Variants in USP19 observed in about 807,000 individuals in gnomAD.
USP19 encodes ubiquitin carboxyl-terminal hydrolase 19.
Under a neutral mutation model 144.8 loss-of-function variants are expected in USP19, and 40 were observed. The ratio of observed to expected loss-of-function variants is 0.28; its 90% CI spans 0.21 to 0.36. USP19 has a LOEUF of 0.36. Among genes scored for constraint, USP19 ranks in the 10% least tolerant of loss-of-function variants. The pLI is 1.00. For synonymous variants in USP19, 701 were observed against 709.3 expected (o/e 0.99, Z 0.19); for missense variants, 1,518 against 1,822.5 (o/e 0.83, Z 3.04).
chr3:49,115,770 G>A lies in USP19; in HGVS notation c.1646C>T (p.Thr549Ile), dbSNP rs1446521990. The change falls in exon 11 of 27, where the codon ACA becomes ATA. Residue 549 changes from threonine to isoleucine, a missense_variant. This residue lies in a region of USP19 where 707 missense variants were observed against 728.9 expected (regional missense o/e 0.97). Coordinates refer to ENST00000417901, the MANE Select transcript of USP19 (RefSeq NM_001199161.2). This position sits in a 1 kb window ranked among gnomAD's most constrained non-coding sequence, Gnocchi z 6.6. ...DTGLDSVATR[T>I]PMEHVTPKPE... ...CTTTGGGGTTACATGCTCCATGGGT[G>A]TGCGGGTTGCCACACTGTCTAGCCC... 2 of 1,613,748 alleles carry A rather than the reference G, an allele frequency of 1.2e-6. No homozygotes were observed. The highest frequency in any genetic ancestry group is 1.1e-5 in the South Asian group (1 of 91,074).
chr3:49,108,861 C>T lies in USP19; in HGVS notation c.4039-333G>A, dbSNP rs2042707127. On this transcript the variant is annotated intron_variant, in intron 26 of 26. Transcript: ENST00000417901. This position sits in a 1 kb window ranked among gnomAD's most constrained non-coding sequence, Gnocchi z 4.8. The stretch of plus-strand genomic sequence containing the variant: ...CACCCTCTCCCACCAGATGCATAAG[C>T]TGAGGCCCAAAGCCCAGAGGTGTTC... 2.0e-6 allele frequency: 3 copies of T among 1,475,180 alleles called. No homozygotes were observed. The highest frequency in any genetic ancestry group is 2.7e-6 in the Non-Finnish European group (3 of 1,111,466). 91.4% of individuals were successfully genotyped at this position (1,475,180 alleles called of 1,614,324 possible).
chr3:49,116,140 A>C lies in USP19; in HGVS notation c.1378T>G (p.Cys460Gly), dbSNP rs2107489140. 1 of 1,613,790 alleles carries C rather than the reference A, an allele frequency of 6.2e-7. No homozygotes were observed. Among genetic ancestry groups the C allele is most frequent in the Middle Eastern group, 1.7e-4 (1 of 6,058 alleles). Residue 460 changes from cysteine to glycine, a missense_variant, in exon 10 of 27, where the codon TGC becomes GGC. By Grantham distance (159) the Cys-to-Gly change is radical. Transcript: ENST00000417901. This position sits in a 1 kb window ranked among gnomAD's most constrained non-coding sequence, Gnocchi z 5.0. ...KLRNLIEPEQ[C>G]TFCFTASRID... ...CGAGAAGCCGTGAAACAGAAGGTGC[A>C]CTGCTCTGGCTCAATCAGATTCCTG... is the stretch of plus-strand genomic sequence containing the variant.
rs897525947 is a variant in USP19 at position 49,108,195 on chromosome 3, C to T, written c.*217G>A. ...TTGAAGGTACAACAGAATCAAATCA[C>T]GCAGCACTGGAGGCGGCTGGAGAAG... On this transcript the variant is annotated 3_prime_UTR_variant, in exon 27 of 27. Transcript: ENST00000417901. This position sits in a 1 kb window ranked among gnomAD's most constrained non-coding sequence, Gnocchi z 4.8. The T allele has an allele frequency of 8.9e-6, 2 of 225,386 alleles. No homozygotes were observed. 14.0% of individuals were successfully genotyped at this position (225,386 alleles called of 1,614,324 possible).
Position 49,112,345 on chromosome 3 carries a change from G to C in USP19, c.2704C>G (p.Gln902Glu), listed in dbSNP as rs934144200. The C allele has an allele frequency of 6.2e-7, 1 of 1,613,944 alleles. No individual in the cohort carries two copies. Among genetic ancestry groups the C allele is most frequent in the African/African-American group, 1.3e-5 (1 of 74,906 alleles). Residue 902 changes from glutamine to glutamate, a missense_variant, in exon 19 of 27, where the codon CAG becomes GAG. Physicochemically the swap from Gln to Glu is conservative, Grantham distance 29 (BLOSUM62 2). Transcript: ENST00000417901. The surrounding 1 kb of genome is among the most constrained non-coding windows in gnomAD (Gnocchi z 4.9). ...SKCAACQRKQ[Q>E]SEDEKLKRCT... ...CGCTTCAGCTTTTCATCCTCCGACT[G>C]TTGCTTCCGCTGGCAGGCTGCACAC...
rs1434050185 is a variant in USP19 at position 49,117,632 on chromosome 3, C to CT, written c.472+24dup. The CT allele has an allele frequency of 6.2e-7, 1 of 1,614,020 alleles. No homozygotes were observed. The highest frequency in any genetic ancestry group is 8.5e-7 in the Non-Finnish European group (1 of 1,180,014). On this transcript the variant is annotated intron_variant, in intron 4 of 26. Coordinates refer to ENST00000417901, the MANE Select transcript of USP19 (RefSeq NM_001199161.2). The surrounding 1 kb of genome is among the most constrained non-coding windows in gnomAD (Gnocchi z 4.4). ...GATATCAGAAGATTCAAACATACTA[C>CT]TGTGCTCAGGGCAGATGGACACACC...
In USP19 at chr3:49,112,541, A is replaced by G; in HGVS notation, c.2594T>C (p.Leu865Pro). ...CTCCTTAGCCAACTCTGAGGATAGC[A>G]GCTCAAAGCAGAGGAGCGTATCAGA... is the stretch of plus-strand genomic sequence containing the variant. ...SPSDTLLCFE[L>P]LSSELAKERV... The change falls in exon 18 of 27, where the codon CTG becomes CCG. Residue 865 changes from leucine to proline, a missense_variant. By Grantham distance (98) the Leu-to-Pro change is moderately conservative. Coordinates refer to ENST00000417901, the MANE Select transcript of USP19 (RefSeq NM_001199161.2). The surrounding 1 kb of genome is among the most constrained non-coding windows in gnomAD (Gnocchi z 4.9). 6.2e-7 allele frequency: 1 copy of G among 1,614,132 alleles called. No homozygotes were observed. The highest frequency in any genetic ancestry group is 8.5e-7 in the Non-Finnish European group (1 of 1,179,980).
intron 17 of USP19, among the ~76,000 whole-genome samples, chr3:49,113,237 T>A (rs2043465588): frequency 6.6e-6 from 1 of 152,244 alleles, no homozygotes. Context: ...CCTGTTTTTG[T>A]ACAGTCACAG....
Position 49,110,606 on chromosome 3 carries a change from TG to T in USP19, c.3699-3del. 1 of 1,613,798 alleles carries T rather than the reference TG, an allele frequency of 6.2e-7. No individual in the cohort carries two copies. Reference sequence around the variant, plus strand: ...CAGAACTTGCTCAGGTCCAGGTTCCTGCAGGTCAGGTCCAGTCAGGGAGGGG... The same window carrying T: ...CAGAACTTGCTCAGGTCCAGGTTCCTCAGGTCAGGTCCAGTCAGGGAGGGG... On this transcript the variant is annotated splice_polypyrimidine_tract_variant and splice_region_variant and intron_variant, in intron 24 of 26. Transcript: ENST00000417901. The surrounding 1 kb of genome is among the most constrained non-coding windows in gnomAD (Gnocchi z 6.1).
At position 49,115,665 on chromosome 3, in the gene USP19, G is replaced by A; in HGVS notation, c.1693-26C>T. 1 of 1,608,410 alleles carries A rather than the reference G, an allele frequency of 6.2e-7. No homozygotes were observed. The highest frequency in any genetic ancestry group is 8.5e-7 in the Non-Finnish European group (1 of 1,176,534). On this transcript the variant is annotated intron_variant, in intron 11 of 26. Transcript: ENST00000417901. This position sits in a 1 kb window ranked among gnomAD's most constrained non-coding sequence, Gnocchi z 6.6. ...CTGCAGGAGCAAAGACGACATGAGA[G>A]AACAGCCCCAAGACTCTCCAGCCTC...
Position 49,114,362 on chromosome 3 carries a change from G to A in USP19, c.2293-78C>T, listed in dbSNP as rs986890399. 35 of 1,429,454 alleles carry A rather than the reference G, an allele frequency of 2.4e-5. No homozygotes were observed. The highest frequency in any genetic ancestry group is 4.0e-4 in the Middle Eastern group (2 of 4,972). 88.5% of individuals were successfully genotyped at this position (1,429,454 alleles called of 1,614,324 possible). ...TGCTCATGCTCAGAGAGCCCATTCC[G>A]GGGCTTCTGATGGCTCTCAGGGCCC... On this transcript the variant is annotated intron_variant, in intron 15 of 26. Transcript: ENST00000417901. The surrounding 1 kb of genome is among the most constrained non-coding windows in gnomAD (Gnocchi z 4.5).
rs765038595 is a variant in USP19, at chr3:49,109,046, C to T, written c.4039-518G>A. ...CGCCACGGTGCCCAGGACAAAGTAC[C>T]GGAGGCAGCCCTCATCTGGTGTGGT... is the stretch of plus-strand genomic sequence containing the variant. On this transcript the variant is annotated intron_variant, in intron 26 of 26. Coordinates refer to ENST00000417901, the MANE Select transcript of USP19 (RefSeq NM_001199161.2). 19 of 1,612,820 alleles carry T rather than the reference C, an allele frequency of 1.2e-5. No individual in the cohort carries two copies. The highest frequency in any genetic ancestry group is 1.6e-4 in the Middle Eastern group (1 of 6,062).
chr3:49,109,259 G>A (rs952263163), intron 26 of USP19: 2 of 1,436,950 alleles, frequency 1.4e-6, no homozygotes, highest in Non-Finnish European at 1.8e-6. Context: ...CCTTAGCCAT[G>A]ACAGTCCCAC....
In USP19 at chr3:49,117,452, C is replaced by A. The variant is rs771029171; in HGVS notation, c.591G>T (p.Thr197=). The A allele has an allele frequency of 3.1e-6, 5 of 1,614,026 alleles. No individual in the cohort carries two copies. The highest frequency in any genetic ancestry group is 4.2e-6 in the Non-Finnish European group (5 of 1,180,050). Residue 197 remains threonine (T), a synonymous_variant, in exon 5 of 27, where the codon ACG becomes ACT. Transcript: ENST00000417901. The surrounding 1 kb of genome is among the most constrained non-coding windows in gnomAD (Gnocchi z 4.4). Reference sequence around the variant, plus strand: ...TAGAACTCACCAGGAGGGAGGGCCACGTGAGCATAGGCACCTTTTTGGGCA... The same window carrying A: ...TAGAACTCACCAGGAGGGAGGGCCAAGTGAGCATAGGCACCTTTTTGGGCA... ...LTLPKKVPML[T]WPSLLKKPLG...
At position 49,116,906 on chromosome 3, in the gene USP19, T is replaced by G. The variant is rs769354891; in HGVS notation, c.947A>C (p.Asn316Thr). The change falls in exon 7 of 27, where the codon AAC (asparagine) becomes ACC (threonine). Residue 316 changes from asparagine (N) to threonine (T), a missense_variant. This residue lies in a region of USP19 where 707 missense variants were observed against 728.9 expected (regional missense o/e 0.97). Coordinates refer to ENST00000417901, the MANE Select transcript of USP19 (RefSeq NM_001199161.2). The surrounding 1 kb of genome is among the most constrained non-coding windows in gnomAD (Gnocchi z 5.0). ...TGAGCCCAGGAGGCAGGTTTGGGAGTTCAGCGGTGGTATGCAAAGCTGTTC... is the reference window on the plus strand; with the variant it reads ...TGAGCCCAGGAGGCAGGTTTGGGAGGTCAGCGGTGGTATGCAAAGCTGTTC... ...ADEQLCIPPL[N>T]SQTCLLGSEE... is the part of the protein sequence containing the mutation. 6.8e-6 allele frequency: 11 copies of G among 1,613,900 alleles called. No individual in the cohort carries two copies. The highest frequency in any genetic ancestry group is 9.3e-6 in the Non-Finnish European group (11 of 1,179,994).
chr3:49,116,815 T>C lies in USP19; in HGVS notation c.1038A>G (p.Pro346=). Reference sequence around the variant, plus strand: ...CAGGGTTTCTGCTCCGGACCATGGCTGGAGAGACTGGGTCATTCCCGGGAG... The same window carrying C: ...CAGGGTTTCTGCTCCGGACCATGGCCGGAGAGACTGGGTCATTCCCGGGAG... ...AVPPGNDPVS[P]AMVRSRNPGK... The change falls in exon 7 of 27, where the codon CCA becomes CCG. Residue 346 remains proline, a synonymous_variant. Transcript: ENST00000417901. The surrounding 1 kb of genome is among the most constrained non-coding windows in gnomAD (Gnocchi z 5.0). 6.2e-7 allele frequency: 1 copy of C among 1,614,078 alleles called. No individual in the cohort carries two copies. The highest frequency in any genetic ancestry group is 8.5e-7 in the Non-Finnish European group (1 of 1,180,014).
In USP19 at chr3:49,111,844, C is replaced by T. The variant is rs761567667; in HGVS notation, c.2904-31G>A. The T allele has an allele frequency of 8.8e-5, 141 of 1,593,236 alleles. No homozygotes were observed. Among genetic ancestry groups the T allele is most frequent in the Non-Finnish European group, 1.2e-4 (139 of 1,168,384 alleles). On this transcript the variant is annotated intron_variant, in intron 20 of 26. Transcript: ENST00000417901. This position sits in a 1 kb window ranked among gnomAD's most constrained non-coding sequence, Gnocchi z 5.9. ...AACAGAGAACAACGCAAGTAAGACT[C>T]CTGACCAGCCCATCTAGCACCTCTG...
rs2043154948 is a variant in USP19 at position 49,111,551 on chromosome 3, G to A, written c.3166C>T (p.Pro1056Ser). The A allele has an allele frequency of 1.9e-6, 3 of 1,612,640 alleles. No individual in the cohort carries two copies. Among genetic ancestry groups the A allele is most frequent in the African/African-American group, 2.7e-5 (2 of 75,058 alleles). Residue 1056 changes from proline (P) to serine (S), a missense_variant, in exon 21 of 27, where the codon CCC (proline) becomes TCC (serine). Coordinates refer to ENST00000417901, the MANE Select transcript of USP19 (RefSeq NM_001199161.2). The surrounding 1 kb of genome is among the most constrained non-coding windows in gnomAD (Gnocchi z 5.9). ...GCTGGCAAGGAGCCAACCTCAATGGGCCCACTGGCCAGCATCTCAGAAGAA... is the reference window on the plus strand; with the variant it reads ...GCTGGCAAGGAGCCAACCTCAATGGACCCACTGGCCAGCATCTCAGAAGAA... ...GISSEMLASG[P>S]IEVGSLPAGE...
Position 49,119,010 on chromosome 3 carries a change from T to A in USP19, c.124+12A>T, listed in dbSNP as rs755411229. Reference sequence around the variant, plus strand: ...GAGAAGGCCACAATTACTCTGGGAATGCCACTCCCACCTTTCCTAGGATCT... The same window carrying A: ...GAGAAGGCCACAATTACTCTGGGAAAGCCACTCCCACCTTTCCTAGGATCT... On this transcript the variant is annotated intron_variant, in intron 2 of 26. Coordinates refer to ENST00000417901, the MANE Select transcript of USP19 (RefSeq NM_001199161.2). 3 of 1,613,894 alleles carry A rather than the reference T, an allele frequency of 1.9e-6. No homozygotes were observed. In the South Asian group the frequency reaches 3.3e-5, roughly 18 times the overall value.
At position 49,110,384 on chromosome 3, in the gene USP19, G is replaced by A. The variant is rs962048857; in HGVS notation, c.3860-22C>T. 3.1e-6 allele frequency: 5 copies of A among 1,599,806 alleles called. No homozygotes were observed. The highest frequency in any genetic ancestry group is 3.4e-6 in the Non-Finnish European group (4 of 1,171,310). ...CAGCCTACAGCAGGGTGGGAAGAGT[G>A]TGAACAAAGTCTGCACCACCACCCC... is the stretch of plus-strand genomic sequence containing the variant. On this transcript the variant is annotated intron_variant, in intron 25 of 26. Transcript: ENST00000417901. The surrounding 1 kb of genome is among the most constrained non-coding windows in gnomAD (Gnocchi z 6.1).
Sources: allele counts gnomAD v4.1 joint callset (sites outside exome capture counted in the v4.1 genomes callset), GRCh38; gene constraint gnomAD v4.1.1; regional missense constraint gnomAD v4.1.1; non-coding constraint Gnocchi (gnomAD v3.1); transcripts MANE v1.5; gene names NCBI Gene and HGNC (gene_info 2026-07-23, HGNC 2026-07-21).